The following KIAA1217 variants were observed in gnomAD, a reference collection of about 807,000 sequenced individuals.
KIAA1217 encodes KIAA1217.
In KIAA1217, 88 loss-of-function variants were observed where a neutral mutation model predicts 163.9. The ratio of observed to expected loss-of-function variants is 0.54; its 90% CI spans 0.45 to 0.64. The LOEUF (loss-of-function observed/expected upper bound fraction) is 0.64, where lower values mean the gene tolerates loss of function less well. KIAA1217 is among the 30% of genes least tolerant of loss of function. The pLI is 0.00. For synonymous variants in KIAA1217, 903 were observed against 923.1 expected (o/e 0.98, Z 0.39); for missense variants, 2,372 against 2,475.0 (o/e 0.96, Z 0.88).
At chr10:24,494,957 C>T (rs1400886154) in intron 7 of KIAA1217, 190 bp from the exon 8 acceptor site, 4 of 594,846 alleles carry the variant, frequency 6.7e-6, no homozygotes, top group Non-Finnish European at 1.2e-5. Flanking sequence ...CTGCATTCCA[C>T]CCCCAGTGTC....
At chr10:24,260,455 A>C (rs1451088976) in intron 2 of KIAA1217, among the ~76,000 whole-genome samples, 1 of 152,034 alleles carries the variant, frequency 6.6e-6, no homozygotes, top group Non-Finnish European at 1.5e-5. Context: ...CATATTTAAA[A>C]AGACAATTTT....
At position 24,521,834 on chromosome 10, in the gene KIAA1217, G is replaced by A. The variant is rs1463407381; in HGVS notation, c.2361G>A (p.Val787=). 6.2e-7 allele frequency: 1 copy of A among 1,613,852 alleles called. No individual in the cohort carries two copies. ...TGCGAGCCATCCTGCGCATAGAAGT[G>A]GAGGCCGTGCGGTTTCTGAAGGAGG... is the stretch of plus-strand genomic sequence containing the variant. ...NKMRAILRIE[V]EAVRFLKEEP... is the part of the protein sequence containing the mutation. Residue 787 remains valine (V), a synonymous_variant, in exon 12 of 21, where the codon GTG becomes GTA. Coordinates refer to ENST00000376454, the MANE Select transcript of KIAA1217 (RefSeq NM_019590.5).
At chr10:23,826,314 C>T (rs949422527) in intron 1 of KIAA1217, among the ~76,000 whole-genome samples, 11 of 152,070 alleles carry the variant, frequency 7.2e-5, no homozygotes, top group Admixed American at 1.3e-4. Flanking sequence ...TTATTATTTA[C>T]ATTAGATTTG....
At chr10:24,407,757 G>A (rs1473357338) in intron 3 of KIAA1217, among the ~76,000 whole-genome samples, 5 of 152,136 alleles carry the variant, frequency 3.3e-5, no homozygotes, top group African/African-American at 1.2e-4. Context: ...TGACCTTGAT[G>A]GCAGTCCTTA....
chr10:24,266,704 A>T (rs7919749), intron 2 of KIAA1217, among the ~76,000 whole-genome samples: 3 of 152,082 alleles, frequency 2.0e-5, no homozygotes, highest in Admixed American at 2.0e-4. Context: ...AATCAGCAGG[A>T]GTCTAAAAGT....
chr10:23,842,763 A>T (rs1240830137), intron 1 of KIAA1217, among the ~76,000 whole-genome samples: 4 of 152,016 alleles, frequency 2.6e-5, no homozygotes, highest in Non-Finnish European at 5.9e-5. Flanking sequence ...ATTTTAGGAT[A>T]AAATCATCTA....
intron 2 of KIAA1217, among the ~76,000 whole-genome samples, chr10:24,118,053 A>T (rs1483288601): frequency 6.6e-6 from 1 of 151,670 alleles, no homozygotes; most frequent in Non-Finnish European, 1.5e-5. Flanking sequence ...TACTTTGCTT[A>T]GTACCCGGGG....
chr10:24,019,441 T>A (rs1414662477), intron 2 of KIAA1217, among the ~76,000 whole-genome samples: 1 of 151,824 alleles, frequency 6.6e-6, no homozygotes, highest in Non-Finnish European at 1.5e-5. Flanking sequence ...AAAATGCCAC[T>A]TAAAAAGACA....
chr10:24,012,923 TAA>T (rs1297502552), intron 2 of KIAA1217, among the ~76,000 whole-genome samples: 10 of 152,164 alleles, frequency 6.6e-5, no homozygotes, highest in Admixed American at 6.6e-4. Context: ...TTTTATGATT[TAA>T]AGACAGTTGG....
chr10:24,056,125 A>G (rs564715040), intron 2 of KIAA1217, among the ~76,000 whole-genome samples: 23 of 152,230 alleles, frequency 1.5e-4, no homozygotes, highest in African/African-American at 5.5e-4. Flanking sequence ...CCTGTTGCCT[A>G]GAGGAGTTTA....
intron 6 of KIAA1217, among the ~76,000 whole-genome samples, chr10:24,490,000 T>C (rs2065912320): frequency 6.6e-6 from 1 of 152,108 alleles, no homozygotes; most frequent in Non-Finnish European, 1.5e-5. Context: ...TTTTGCTTCG[T>C]CTTCACAGAC....
chr10:24,169,048 T>C (rs3910620), intron 2 of KIAA1217, among the ~76,000 whole-genome samples: 132,052 of 152,308 alleles, frequency 0.87, 58,106 homozygotes, highest in African/African-American at 0.97. Flanking sequence ...AGGCAGGAAG[T>C]GCAGTTGATA....
intron 2 of KIAA1217, among the ~76,000 whole-genome samples, chr10:24,029,269 C>T (rs764651900): frequency 3.3e-5 from 5 of 152,092 alleles, no homozygotes; most frequent in Non-Finnish European, 7.4e-5. Context: ...GAACATCAAA[C>T]CTTTCTTTAC....
intron 1 of KIAA1217, among the ~76,000 whole-genome samples, chr10:23,721,474 T>C (rs1043545313): frequency 5.3e-5 from 8 of 152,106 alleles, no homozygotes; most frequent in Non-Finnish European, 8.8e-5. Flanking sequence ...TCATAGCATC[T>C]TTTTCCTTTT....
chr10:23,792,902 C>T, intron 1 of KIAA1217, among the ~76,000 whole-genome samples: 1 of 152,148 alleles, frequency 6.6e-6, no homozygotes, highest in East Asian at 1.9e-4. Context: ...CTGAGATTTG[C>T]TTGCTTTTCT....
At chr10:23,759,797 C>T (rs1235338049) in intron 1 of KIAA1217, among the ~76,000 whole-genome samples, 1 of 152,178 alleles carries the variant, frequency 6.6e-6, no homozygotes, top group African/African-American at 2.4e-5. Flanking sequence ...CTTCTGTGAG[C>T]CTCCAGTCCC....
chr10:24,263,562 C>T (rs1700776614), intron 2 of KIAA1217, among the ~76,000 whole-genome samples: 1 of 152,196 alleles, frequency 6.6e-6, no homozygotes, highest in South Asian at 2.1e-4. Context: ...GACATTTTAA[C>T]CTCTCAATGC....
intron 2 of KIAA1217, among the ~76,000 whole-genome samples, chr10:24,349,135 A>C (rs1383735793): frequency 7.2e-6 from 1 of 139,212 alleles, no homozygotes; most frequent in African/African-American, 2.8e-5. Flanking sequence ...CCTGTCTCAA[A>C]AAAAAAAAAA....
chr10:23,905,022 G>A lies in KIAA1217; in HGVS notation c.-320-102203G>A, dbSNP rs566331868. Among the ~76,000 whole-genome samples the A allele has an allele frequency of 5.5e-5, 8 of 144,984 alleles. No individual in the cohort carries two copies. In the East Asian group the frequency reaches 1.7e-3, roughly 31 times the overall value. ...GCTGAGAGTGTGTTTGTTTTTAGAA[G>A]CAGAGGTCCCATTGAATTGGGATTC... On this transcript the variant is annotated intron_variant, in intron 1 of 18. Transcript: ENST00000376462.
Sources: allele counts gnomAD v4.1 joint callset (sites outside exome capture counted in the v4.1 genomes callset), GRCh38; gene constraint gnomAD v4.1.1; transcripts MANE v1.5; gene names NCBI Gene and HGNC (gene_info 2026-07-23, HGNC 2026-07-21).